The following ARHGEF10L variants were observed in gnomAD, a reference collection of about 807,000 sequenced individuals.
ARHGEF10L encodes rho guanine nucleotide exchange factor 10-like protein.
In ARHGEF10L, 69 loss-of-function variants were observed where a neutral mutation model predicts 141.2. The observed-to-expected ratio is 0.49, with a 90% CI of 0.40 to 0.60. The LOEUF (loss-of-function observed/expected upper bound fraction) is 0.60. Among genes scored for constraint, ARHGEF10L ranks in the 20% least tolerant of loss-of-function variants. ARHGEF10L has a pLI of 0.00. For synonymous variants in ARHGEF10L, 711 were observed against 718.5 expected (o/e 0.99, Z 0.17); for missense variants, 1,482 against 1,734.3 (o/e 0.85, Z 2.58).
intron 27 of ARHGEF10L, among the ~76,000 whole-genome samples, chr1:17,688,845 A>G (rs1289049188): frequency 6.6e-6 from 1 of 151,922 alleles, no homozygotes; most frequent in African/African-American, 2.4e-5. Context: ...GGCCCTGGAA[A>G]TCACCCTGGT....
chr1:17,529,456 G>A, the ARHGEF10L span, among the ~76,000 whole-genome samples: 4,882 of 152,326 alleles, frequency 0.032, 267 homozygotes, highest in African/African-American at 0.11. Context: ...AGGGTGGGGA[G>A]GGCTATGAGC....
chr1:17,674,647 T>C (rs2063532179), intron 26 of ARHGEF10L, among the ~76,000 whole-genome samples: 1 of 152,074 alleles, frequency 6.6e-6, no homozygotes, highest in Non-Finnish European at 1.5e-5. Flanking sequence ...TGTGAGAGGG[T>C]GGGAAACTGG....
chr1:17,574,226 C>A (rs898619819), intron 1 of ARHGEF10L, among the ~76,000 whole-genome samples: 1 of 152,204 alleles, frequency 6.6e-6, no homozygotes, highest in African/African-American at 2.4e-5. Flanking sequence ...CTTGGGGATG[C>A]CCCTCAGTCT....
the ARHGEF10L span, among the ~76,000 whole-genome samples, chr1:17,522,385 A>T: frequency 2.6e-5 from 4 of 152,192 alleles, no homozygotes; most frequent in Non-Finnish European, 4.4e-5. Context: ...AATTGTGATG[A>T]TGCTCATAGT....
the ARHGEF10L span, among the ~76,000 whole-genome samples, chr1:17,521,095 G>A: frequency 6.3e-4 from 96 of 152,318 alleles, 2 homozygotes; most frequent in Middle Eastern, 6.8e-3. Flanking sequence ...CTCACATTTG[G>A]AAGGCATTTT....
intron 2 of ARHGEF10L, among the ~76,000 whole-genome samples, chr1:17,582,187 A>G (rs35497520): frequency 0.013 from 2,039 of 152,236 alleles, 20 homozygotes; most frequent in Middle Eastern, 0.041. Flanking sequence ...TCACCTCCCA[A>G]TTCATGACTG....
At chr1:17,595,214 G>A (rs889212965) in intron 4 of ARHGEF10L, among the ~76,000 whole-genome samples, 4 of 146,350 alleles carry the variant, frequency 2.7e-5, no homozygotes, top group Admixed American at 1.3e-4. Flanking sequence ...CTGTTTCGTG[G>A]CTCACCTTTT....
At chr1:17,520,677 G>A in the ARHGEF10L span, among the ~76,000 whole-genome samples, 3 of 152,300 alleles carry the variant, frequency 2.0e-5, no homozygotes, top group East Asian at 1.9e-4. Context: ...GTGTGACCCC[G>A]ATCCTACAGC....
At chr1:17,637,387 AGACT>A (rs2061062528) in intron 18 of ARHGEF10L, among the ~76,000 whole-genome samples, 1 of 152,220 alleles carries the variant, frequency 6.6e-6, no homozygotes, top group Non-Finnish European at 1.5e-5. Flanking sequence ...CCCTTTGTAC[AGACT>A]GACTATGGCC....
At position 17,697,436 on chromosome 1, in the gene ARHGEF10L, G is replaced by C; in HGVS notation, c.*56G>C. On this transcript the variant is annotated 3_prime_UTR_variant, in exon 29 of 29. Coordinates refer to ENST00000361221, the MANE Select transcript of ARHGEF10L (RefSeq NM_018125.4). This position sits in a 1 kb window ranked among gnomAD's most constrained non-coding sequence, Gnocchi z 4.8. ...TGCAGGCCTGACCAAGGCCACGCCC[G>C]GCTCTCGTGCTCTAGGACCTGCACG... 2 of 1,529,966 alleles carry C rather than the reference G, an allele frequency of 1.3e-6. No homozygotes were observed. The highest frequency in any genetic ancestry group is 1.8e-6 in the Non-Finnish European group (2 of 1,136,776). 94.8% of individuals were successfully genotyped at this position (1,529,966 alleles called of 1,614,324 possible).
Position 17,607,709 on chromosome 1 carries a change from G to A in ARHGEF10L, c.434-93G>A, listed in dbSNP as rs190421714. On this transcript the variant is annotated intron_variant, in intron 6 of 28. Coordinates refer to ENST00000361221, the MANE Select transcript of ARHGEF10L (RefSeq NM_018125.4). This position sits in a 1 kb window ranked among gnomAD's most constrained non-coding sequence, Gnocchi z 4.5. ...CCCATGTTCTCCCTGACCCCCCCTC[G>A]CCCCACCTGGGTTCAGAAATTGGGT... 1.3e-4 allele frequency: 168 copies of A among 1,314,900 alleles called. No homozygotes were observed. In the African/African-American group the frequency reaches 1.7e-3, roughly 14 times the overall value. 81.5% of individuals were successfully genotyped at this position (1,314,900 alleles called of 1,614,324 possible). A position where few individuals can be genotyped will look rare whatever the true frequency, so the allele number is the denominator to read the frequency against.
intron 1 of ARHGEF10L, among the ~76,000 whole-genome samples, chr1:17,546,164 G>T (rs2248713): frequency 0.075 from 11,481 of 152,156 alleles, 490 homozygotes; most frequent in African/African-American, 0.092. Context: ...AATCTTTGAG[G>T]TTTCTTGGTA....
At chr1:17,553,600 A>G (rs780782842) in intron 1 of ARHGEF10L, among the ~76,000 whole-genome samples, 3 of 151,952 alleles carry the variant, frequency 2.0e-5, no homozygotes, top group Non-Finnish European at 4.4e-5. Flanking sequence ...TGGGCAACAT[A>G]GTGAGACCCC....
At chr1:17,618,579 C>A (rs2059937738) in intron 9 of ARHGEF10L, 17 of 1,235,314 alleles carry the variant, frequency 1.4e-5, no homozygotes, top group Non-Finnish European at 1.8e-5. Flanking sequence ...GCTGCCGCTT[C>A]TTCTTTCCTC....
rs1388100459 is a variant in ARHGEF10L, at chr1:17,695,178, A to T, written c.3205A>T (p.Thr1069Ser). The T allele has an allele frequency of 6.2e-7, 1 of 1,612,918 alleles. No homozygotes were observed. The highest frequency in any genetic ancestry group is 1.7e-4 in the Middle Eastern group (1 of 6,060). ...LLPGQKHLCV[T>S]SLLICQGLLW... ...TGCAGGCCAGAAGCACTTGTGTGTCACCAGCCTCCTGATCTGCCAGGGTCT... is the reference window on the plus strand; with the variant it reads ...TGCAGGCCAGAAGCACTTGTGTGTCTCCAGCCTCCTGATCTGCCAGGGTCT... Residue 1069 changes from threonine to serine, a missense_variant, in exon 28 of 29, where the codon ACC (threonine) becomes TCC (serine). Thr to Ser is a moderately conservative substitution (Grantham distance 58). Transcript: ENST00000361221.
intron 9 of ARHGEF10L, chr1:17,618,261 C>G (rs2059913854): frequency 5.2e-6 from 7 of 1,344,998 alleles, no homozygotes; most frequent in Non-Finnish European, 6.9e-6. Context: ...CAGCCCTCCC[C>G]ACCCCGCCCA....
rs3766313 is a variant in ARHGEF10L, at chr1:17,652,209, G to A, written c.2395-2427G>A. 2.1e-3 allele frequency among the ~76,000 whole-genome samples: 321 copies of A among 152,328 alleles called. 8 individuals carry two copies. In the East Asian group the frequency reaches 0.053, roughly 25 times the overall value. On this transcript the variant is annotated intron_variant, in intron 22 of 28. Transcript: ENST00000361221. ...GTACCAGTGGATGAGGATGTGTTGG[G>A]TTCTTTCCTTCAAGGGATCAGGGGT...
intron 1 of ARHGEF10L, among the ~76,000 whole-genome samples, chr1:17,560,240 T>C (rs957918776): frequency 6.6e-6 from 1 of 152,044 alleles, no homozygotes; most frequent in Non-Finnish European, 1.5e-5. Flanking sequence ...AACCAAGACA[T>C]CAGGAGGAGG....
chr1:17,664,972 C>T (rs1380743230), intron 26 of ARHGEF10L, among the ~76,000 whole-genome samples: 1 of 152,168 alleles, frequency 6.6e-6, no homozygotes, highest in Non-Finnish European at 1.5e-5. Flanking sequence ...ATCCGCTGGG[C>T]TCTTCAAACC....
Sources: gnomAD v4.1 joint callset for allele counts (sites outside exome capture counted in the v4.1 genomes callset) on GRCh38, gnomAD v4.1.1 for gene constraint, Gnocchi (gnomAD v3.1) non-coding constraint, MANE v1.5 for transcripts, NCBI Gene and HGNC (gene_info 2026-07-23, HGNC 2026-07-21) for gene names.